DZIP3: variants seen among roughly 807,000 people sequenced by gnomAD.
The protein encoded by DZIP3 is E3 ubiquitin-protein ligase DZIP3.
A neutral mutation model predicts 162.0 loss-of-function variants in DZIP3; 118 were observed. The ratio of observed to expected loss-of-function variants is 0.73; its 90% CI spans 0.63 to 0.85. The LOEUF (loss-of-function observed/expected upper bound fraction) is 0.85, where lower values mean the gene tolerates loss of function less well. Ranked by LOEUF, DZIP3 falls within the 40% of genes least tolerant of loss-of-function variation. The probability of loss-of-function intolerance (pLI) is 0.00; values close to 1 mark genes in which losing one functional copy is unlikely to be tolerated. For synonymous variants in DZIP3, 438 were observed against 458.6 expected (o/e 0.96, Z 0.57); for missense variants, 1,331 against 1,407.0 (o/e 0.95, Z 0.86).
At chr3:108,608,339 C>G (rs1010728899) in intron 3 of DZIP3, among the ~76,000 whole-genome samples, 181 bp downstream of exon 3, 7 of 152,020 alleles carry the variant, frequency 4.6e-5, no homozygotes, top group Non-Finnish European at 7.4e-5. Context: ...GATACTGTAT[C>G]TCAAGGTTGT....
chr3:108,680,075 C>T (rs1287150884), intron 26 of DZIP3, among the ~76,000 whole-genome samples: 1 of 151,994 alleles, frequency 6.6e-6, no homozygotes, highest in East Asian at 1.9e-4. Context: ...GCAGAAAAAG[C>T]ATTTGACAAA....
chr3:108,686,699 T>C, intron 28 of DZIP3, 115 bp downstream of exon 28: 2 of 1,257,064 alleles, frequency 1.6e-6, no homozygotes, highest in Non-Finnish European at 2.1e-6. Flanking sequence ...AAAGTACAGA[T>C]GTTTCCTTAC....
chr3:108,691,993 G>T (rs1365948693), intron 32 of DZIP3, among the ~76,000 whole-genome samples: 1 of 151,836 alleles, frequency 6.6e-6, no homozygotes, highest in African/African-American at 2.4e-5. Context: ...ACTCTTCACG[G>T]AACACTCCCA....
At chr3:108,654,025 G>A in intron 18 of DZIP3, 120 bp from the exon 19 acceptor site, 1 of 1,042,578 alleles carries the variant, frequency 9.6e-7, no homozygotes, top group Non-Finnish European at 1.4e-6. Flanking sequence ...CTTTGATCAT[G>A]AACCCTTCTA....
chr3:108,635,582 T>C (rs1942105761), intron 10 of DZIP3, among the ~76,000 whole-genome samples: 1 of 147,258 alleles, frequency 6.8e-6, no homozygotes, highest in African/African-American at 2.5e-5. Flanking sequence ...TACATAATTA[T>C]ATATAACTAA....
chr3:108,677,563 C>A lies in DZIP3; in HGVS notation c.2848C>A (p.Gln950Lys). The change falls in exon 26 of 33, where the codon CAG becomes AAG. Residue 950 changes from glutamine (Q) to lysine (K), a missense_variant. By Grantham distance (53) the Gln-to-Lys change is moderately conservative. Transcript: ENST00000361582. ...TGCCTTGAGTACCTTGCCTCCAGTC[C>A]AGCTTCCTCCTCCACCACCCAGTCC... ...GFALSTLPPV[Q>K]LPPPPPSPEI... 6.2e-7 allele frequency: 1 copy of A among 1,612,662 alleles called. No individual in the cohort carries two copies. Among genetic ancestry groups the A allele is most frequent in the Non-Finnish European group, 8.5e-7 (1 of 1,178,994 alleles).
In DZIP3 at chr3:108,659,978, A is replaced by G. The variant is rs930798936; in HGVS notation, c.2200-1899A>G. Among the ~76,000 whole-genome samples, 23 of 152,224 alleles carry G rather than the reference A, an allele frequency of 1.5e-4. No individual in the cohort carries two copies. The East Asian group carries it at 3.9e-3, about 26-fold the overall frequency. On this transcript the variant is annotated intron_variant, in intron 19 of 32. Coordinates refer to ENST00000361582, the MANE Select transcript of DZIP3 (RefSeq NM_014648.4). ...GGAGAACTACAAACCACTGCTCAAC[A>G]AAATAAAAGAGGATACAAAGAAATG...
chr3:108,636,385 CTGTAATACAGCTACT>C (rs1942147858), intron 10 of DZIP3, among the ~76,000 whole-genome samples: 1 of 151,846 alleles, frequency 6.6e-6, no homozygotes, highest in South Asian at 2.1e-4. Flanking sequence ...GCATTTTAGT[CTGTAATACAGCTACT>C]TGAAGATTTT....
chr3:108,625,404 A>G (rs142497903), intron 6 of DZIP3, among the ~76,000 whole-genome samples: 1 of 152,342 alleles, frequency 6.6e-6, no homozygotes, highest in Non-Finnish European at 1.5e-5. Context: ...TATTTTGGCT[A>G]GTAGTACTTG....
chr3:108,672,504 T>C, intron 22 of DZIP3, 56 bp from the exon 23 acceptor site: 1 of 1,404,102 alleles, frequency 7.1e-7, no homozygotes, highest in African/African-American at 1.4e-5. Flanking sequence ...CTGAATTAGA[T>C]GAAAAAGGCT....
intron 21 of DZIP3, among the ~76,000 whole-genome samples, chr3:108,669,335 A>G (rs1943827194): frequency 6.6e-6 from 1 of 151,992 alleles, no homozygotes; most frequent in African/African-American, 2.4e-5. Flanking sequence ...TTAGAAAATC[A>G]GAAGATACCA....
chr3:108,679,234 G>A lies in DZIP3; in HGVS notation c.2883+1636G>A, dbSNP rs115420409. Among the ~76,000 whole-genome samples, 609 of 152,212 alleles carry A rather than the reference G, an allele frequency of 4.0e-3. 2 individuals carry two copies. The highest frequency in any genetic ancestry group is 0.01 in the Middle Eastern group (3 of 292). On this transcript the variant is annotated intron_variant, in intron 26 of 32. Transcript: ENST00000361582. ...AAATGGGTCCAGAGACTGTGAAGCT[G>A]TTGTTTGGAGTTTCCTGGAACCAGA...
At chr3:108,609,361 G>A (rs1940571097) in intron 3 of DZIP3, among the ~76,000 whole-genome samples, 1 of 152,110 alleles carries the variant, frequency 6.6e-6, no homozygotes, top group Non-Finnish European at 1.5e-5. Flanking sequence ...ATGTATGTAG[G>A]GTTGTACAGT....
intron 27 of DZIP3, among the ~76,000 whole-genome samples, chr3:108,684,959 T>TC (rs1944446380): frequency 2.6e-5 from 4 of 152,164 alleles, no homozygotes; most frequent in Admixed American, 2.6e-4. Context: ...AGGAAAATCT[T>TC]CCAAAAGAAT....
At chr3:108,616,995 A>G (rs1941053802) in intron 5 of DZIP3, among the ~76,000 whole-genome samples, 1 of 151,990 alleles carries the variant, frequency 6.6e-6, no homozygotes, top group Admixed American at 6.6e-5. Flanking sequence ...TCATAAAGTT[A>G]AAAAAAATAA....
rs1469873208 is a variant in DZIP3 at position 108,606,345 on chromosome 3, C to T, written c.32+907C>T. Among the ~76,000 whole-genome samples the T allele has an allele frequency of 2.6e-5, 4 of 152,292 alleles. No individual in the cohort carries two copies. The East Asian group carries it at 7.7e-4, about 29-fold the overall frequency. On this transcript the variant is annotated intron_variant, in intron 2 of 32. Transcript: ENST00000361582. ...ATCTCCCTCCAGGCTTGAACTATCTCATATAATAAGCAGTGTGACTTATTA... is the reference window on the plus strand; with the variant it reads ...ATCTCCCTCCAGGCTTGAACTATCTTATATAATAAGCAGTGTGACTTATTA...
intron 14 of DZIP3, among the ~76,000 whole-genome samples, chr3:108,645,981 C>T (rs1246278316): frequency 6.6e-6 from 1 of 152,172 alleles, no homozygotes; most frequent in Non-Finnish European, 1.5e-5. Flanking sequence ...TTAAGCAGTT[C>T]TTACTCAAGT....
rs183131716 is a variant in DZIP3, at chr3:108,599,296, G to A, written c.-72-6039G>A. The stretch of plus-strand genomic sequence containing the variant: ...TTTTCCACCATCATCCATAAGTTCT[G>A]GAGTTTGAATAAGCAAACTGTATGT... On this transcript the variant is annotated intron_variant, in intron 1 of 32. Coordinates refer to ENST00000361582, the MANE Select transcript of DZIP3 (RefSeq NM_014648.4). Among the ~76,000 whole-genome samples, 279 of 152,190 alleles carry A rather than the reference G, an allele frequency of 1.8e-3. 1 individual carries two copies. The highest frequency in any genetic ancestry group is 2.1e-3 in the Non-Finnish European group (142 of 67,986).
intron 6 of DZIP3, among the ~76,000 whole-genome samples, chr3:108,625,538 G>A (rs903527577): frequency 7.9e-5 from 12 of 152,140 alleles, no homozygotes; most frequent in African/African-American, 2.7e-4. Context: ...GACACTATCA[G>A]TGTGCACCAC....
Sources: gnomAD v4.1 joint callset for allele counts (sites outside exome capture counted in the v4.1 genomes callset) on GRCh38, gnomAD v4.1.1 for gene constraint, MANE v1.5 for transcripts, NCBI Gene and HGNC (gene_info 2026-07-23, HGNC 2026-07-21) for gene names.